KCTD16: variants seen among roughly 807,000 people sequenced by gnomAD.
The protein encoded by KCTD16 is potassium channel tetramerization domain containing 16, also known as BTB/POZ domain-containing protein KCTD16.
A neutral mutation model predicts 33.2 loss-of-function variants in KCTD16; 13 were observed. The observed-to-expected ratio is 0.39, with a 90% confidence interval of 0.25 to 0.62. The LOEUF (loss-of-function observed/expected upper bound fraction) is 0.62. KCTD16 is among the 20% of genes least tolerant of loss of function. The pLI is 0.50. For synonymous variants in KCTD16, 197 were observed against 195.3 expected (o/e 1.01, Z -0.07); for missense variants, 441 against 525.1 (o/e 0.84, Z 1.57).
intron 3 of KCTD16, among the ~76,000 whole-genome samples, chr5:144,371,965 TTTACTCTG>T (rs1751976827): frequency 6.6e-6 from 1 of 152,092 alleles, no homozygotes. Context: ...TCTCAATTTT[TTTACTCTG>T]TTATCAAAGC....
rs558677684 is a variant in KCTD16, at chr5:144,196,361, C to T, written c.-326-10028C>T. Among the ~76,000 whole-genome samples, 3 of 152,174 alleles carry T rather than the reference C, an allele frequency of 2.0e-5. No homozygotes were observed. The South Asian group carries it at 6.2e-4, about 32-fold the overall frequency. ...CACTTCCATTGGGCAGTTACTTTTTCTTTCTTTACCCTTATAGGTATAAAT... is the reference window on the plus strand; with the variant it reads ...CACTTCCATTGGGCAGTTACTTTTTTTTTCTTTACCCTTATAGGTATAAAT... On this transcript the variant is annotated intron_variant, in intron 2 of 3. Coordinates refer to ENST00000512467, the MANE Select transcript of KCTD16 (RefSeq NM_020768.4).
intron 3 of KCTD16, among the ~76,000 whole-genome samples, chr5:144,335,849 C>A (rs1299207153): frequency 1.3e-5 from 2 of 152,106 alleles, no homozygotes; most frequent in African/African-American, 4.8e-5. Flanking sequence ...GATTAGGGGC[C>A]AGATCATGAA....
At chr5:144,440,795 G>A (rs1351576571) in intron 3 of KCTD16, among the ~76,000 whole-genome samples, 2 of 151,844 alleles carry the variant, frequency 1.3e-5, no homozygotes, top group South Asian at 2.1e-4. Context: ...ACAACATGCA[G>A]GTTTGTTACA....
chr5:144,349,533 A>G (rs1752892202), intron 3 of KCTD16, among the ~76,000 whole-genome samples: 1 of 152,194 alleles, frequency 6.6e-6, no homozygotes, highest in African/African-American at 2.4e-5. Flanking sequence ...ATAAGCCCTC[A>G]TTCACTAAGA....
At chr5:144,173,229 T>G (rs1282769897) in intron 1 of KCTD16, among the ~76,000 whole-genome samples, 1 of 152,166 alleles carries the variant, frequency 6.6e-6, no homozygotes, top group Non-Finnish European at 1.5e-5. Context: ...GGAAGCAACT[T>G]AAATGTCCAT....
Position 144,206,610 on chromosome 5 carries a change from G to A in KCTD16, c.-105G>A, listed in dbSNP as rs1753179431. ...ATAAGAGGAGGTCATTTTTTAATAA[G>A]TTAGCATCCTTTTCCCTTTCTTACA... On this transcript the variant is annotated 5_prime_UTR_variant, in exon 3 of 4. Coordinates refer to ENST00000512467, the MANE Select transcript of KCTD16 (RefSeq NM_020768.4). 1 of 983,458 alleles carries A rather than the reference G, an allele frequency of 1.0e-6. No homozygotes were observed. Among genetic ancestry groups the A allele is most frequent in the African/African-American group, 1.6e-5 (1 of 61,454 alleles). The allele number at this position is 983,458 out of a possible 1,614,324, so 60.9% of individuals were successfully genotyped here.
chr5:144,175,088 A>G (rs1752474445), intron 2 of KCTD16, among the ~76,000 whole-genome samples: 1 of 152,212 alleles, frequency 6.6e-6, no homozygotes, highest in African/African-American at 2.4e-5. Context: ...AAAATGAAGC[A>G]TTTGAAAAAT....
rs1754665223 is a variant in KCTD16, at chr5:144,479,592, C to T, written c.*5478C>T. 1 of 151,732 alleles carries T rather than the reference C, an allele frequency of 6.6e-6. No individual in the cohort carries two copies. The highest frequency in any genetic ancestry group is 1.5e-5 in the Non-Finnish European group (1 of 67,864). The allele number at this position is 151,732 out of a possible 1,614,324, so 9.4% of individuals were successfully genotyped here. On this transcript the variant is annotated 3_prime_UTR_variant, in exon 4 of 4. Coordinates refer to ENST00000512467, the MANE Select transcript of KCTD16 (RefSeq NM_020768.4). Reference sequence around the variant, plus strand: ...AAGGATGTTTAATGAAACTGATGAACATGAGCAACTAATTATGTTAAATTG... The same window carrying T: ...AAGGATGTTTAATGAAACTGATGAATATGAGCAACTAATTATGTTAAATTG...
chr5:144,191,860 CT>C (rs1752848858), intron 2 of KCTD16, among the ~76,000 whole-genome samples: 3 of 151,176 alleles, frequency 2.0e-5, no homozygotes, highest in African/African-American at 7.3e-5. Context: ...AACTTTAGGC[CT>C]TTTCTGATAA....
intron 3 of KCTD16, among the ~76,000 whole-genome samples, chr5:144,343,855 T>C (rs187687551): frequency 7.0e-4 from 107 of 152,324 alleles, no homozygotes; most frequent in Non-Finnish European, 1.1e-3. Flanking sequence ...GTCATTCAGG[T>C]GCATTTGTTT....
chr5:144,474,724 C>T lies in KCTD16; in HGVS notation c.*610C>T, dbSNP rs1361727310. 6.6e-6 allele frequency: 1 copy of T among 152,616 alleles called. No homozygotes were observed. The highest frequency in any genetic ancestry group is 6.5e-5 in the Admixed American group (1 of 15,284). The allele number at this position is 152,616 out of a possible 1,614,324, so 9.5% of individuals were successfully genotyped here. ...GGGCCTAGACCTCCCAAGGGCTGTG[C>T]TCCTGCTCCCAGCAGCCCTCTCTTA... is the stretch of plus-strand genomic sequence containing the variant. On this transcript the variant is annotated 3_prime_UTR_variant, in exon 4 of 4. Transcript: ENST00000512467.
At chr5:144,460,078 C>T (rs1047161198) in intron 3 of KCTD16, among the ~76,000 whole-genome samples, 4 of 152,006 alleles carry the variant, frequency 2.6e-5, no homozygotes, top group African/African-American at 4.8e-5. Context: ...GTGATCCGCC[C>T]GCCTCAGCCT....
chr5:144,431,388 G>C (rs1753458924), intron 3 of KCTD16, among the ~76,000 whole-genome samples: 1 of 152,154 alleles, frequency 6.6e-6, no homozygotes, highest in Non-Finnish European at 1.5e-5. Flanking sequence ...TGAGGTACTT[G>C]AATGACCGAC....
In KCTD16 at chr5:144,484,835, C is replaced by T. The variant is rs186580312; in HGVS notation, c.*10721C>T. On this transcript the variant is annotated 3_prime_UTR_variant, in exon 4 of 4. Coordinates refer to ENST00000512467, the MANE Select transcript of KCTD16 (RefSeq NM_020768.4). Reference sequence around the variant, plus strand: ...ACCTCTTCTCCTTTCCAATGCAGTTCGCTTGTACATAAATGTAACGTCATA... The same window carrying T: ...ACCTCTTCTCCTTTCCAATGCAGTTTGCTTGTACATAAATGTAACGTCATA... The T allele has an allele frequency of 6.6e-6, 1 of 151,914 alleles. No homozygotes were observed. Among genetic ancestry groups the T allele is most frequent in the Non-Finnish European group, 1.5e-5 (1 of 67,932 alleles). 9.4% of individuals were successfully genotyped at this position (151,914 alleles called of 1,614,324 possible).
intron 3 of KCTD16, among the ~76,000 whole-genome samples, chr5:144,343,287 T>C (rs1374769609): frequency 6.6e-6 from 1 of 152,042 alleles, no homozygotes; most frequent in African/African-American, 2.4e-5. Flanking sequence ...AGATTCAACT[T>C]CTTCCTGGTT....
At chr5:144,319,818 C>T (rs1752025677) in intron 3 of KCTD16, among the ~76,000 whole-genome samples, 1 of 151,980 alleles carries the variant, frequency 6.6e-6, no homozygotes, top group Non-Finnish European at 1.5e-5. Context: ...GACATGAATG[C>T]CAAAGGTGCT....
At chr5:144,227,093 A>G (rs1223716049) in intron 3 of KCTD16, among the ~76,000 whole-genome samples, 3 of 152,238 alleles carry the variant, frequency 2.0e-5, no homozygotes, top group African/African-American at 7.2e-5. Context: ...ATGTGTATGT[A>G]TACATGTGTC....
intron 3 of KCTD16, among the ~76,000 whole-genome samples, chr5:144,402,847 T>C (rs933173684): frequency 6.6e-6 from 1 of 152,240 alleles, no homozygotes; most frequent in Non-Finnish European, 1.5e-5. Context: ...TTGCCATAAA[T>C]GTAGTGGCCT....
intron 3 of KCTD16, among the ~76,000 whole-genome samples, chr5:144,231,181 T>C (rs1186429655): frequency 6.6e-6 from 1 of 152,190 alleles, no homozygotes; most frequent in Non-Finnish European, 1.5e-5. Flanking sequence ...TTGTTTGATG[T>C]TAACATTTTG....
Sources: allele counts gnomAD v4.1 joint callset (sites outside exome capture counted in the v4.1 genomes callset), GRCh38; gene constraint gnomAD v4.1.1; transcripts MANE v1.5; gene names NCBI Gene and HGNC (gene_info 2026-07-23, HGNC 2026-07-21).